The following CELA2A variants were observed in gnomAD, a reference collection of about 807,000 sequenced individuals.
CELA2A encodes the protein chymotrypsin-like elastase family member 2A.
CELA2A carries 31 observed loss-of-function variants against 35.3 expected under a neutral mutation model. That is an observed-to-expected ratio of 0.88 (90% CI 0.66 to 1.19). The LOEUF (loss-of-function observed/expected upper bound fraction) is 1.19, where lower values mean the gene tolerates loss of function less well. Among genes scored for constraint, CELA2A ranks in the 50% most tolerant of loss-of-function variants. CELA2A has a pLI of 0.00. For missense variants in CELA2A, 330 were observed against 352.9 expected (o/e 0.94, Z 0.52); for synonymous variants, 150 against 149.8 (o/e 1.00, Z -0.01).
At chr1:15,456,968 C>A in intron 1 of CELA2A, 118 bp from the exon 2 acceptor site, 1 of 1,262,842 alleles carries the variant, frequency 7.9e-7, no homozygotes, top group Non-Finnish European at 1.1e-6. Flanking sequence ...ATTCTATGAC[C>A]TCTTGGGATC....
At position 15,462,795 on chromosome 1, in the gene CELA2A, C is replaced by T. The variant is rs146502483; in HGVS notation, c.290C>T (p.Ser97Leu). ...AACCTCTACGTTGCGGAGTCCGGCT[C>T]GCTGGCAGTCAGTGTCTCTAAGATT... ...RHNLYVAESGSLAVSVSKIVV... is the reference protein window; with the variant it reads ...RHNLYVAESGLLAVSVSKIVV... Residue 97 changes from serine to leucine, a missense_variant, in exon 4 of 8, where the codon TCG becomes TTG. Transcript: ENST00000359621. The T allele has an allele frequency of 7.1e-5, 114 of 1,614,090 alleles. No individual in the cohort carries two copies. The East Asian group carries it at 1.7e-3, about 25-fold the overall frequency.
intron 2 of CELA2A, among the ~76,000 whole-genome samples, chr1:15,460,779 C>G (rs929950571): frequency 3.3e-5 from 5 of 151,964 alleles, no homozygotes; most frequent in African/African-American, 1.2e-4. Flanking sequence ...TCAAGCAATA[C>G]TCCCACCTCA....
intron 6 of CELA2A, among the ~76,000 whole-genome samples, 157 bp from the exon 7 acceptor site, chr1:15,467,229 T>C (rs1708530368): frequency 1.3e-5 from 2 of 152,192 alleles, no homozygotes; most frequent in Non-Finnish European, 2.9e-5. Flanking sequence ...TGTTGGCTCT[T>C]GTTGGAATTA....
At chr1:15,460,101 G>A (rs1708413803) in intron 2 of CELA2A, among the ~76,000 whole-genome samples, 1 of 152,164 alleles carries the variant, frequency 6.6e-6, no homozygotes, top group African/African-American at 2.4e-5. Flanking sequence ...CCTGCACAGT[G>A]GCTTATGTTC....
At chr1:15,462,975 G>C (rs571952876) in intron 4 of CELA2A, 114 bp downstream of exon 4, 2 of 1,464,860 alleles carry the variant, frequency 1.4e-6, no homozygotes, top group African/African-American at 1.4e-5. Context: ...CTACAGGGAG[G>C]GGGAAGGAGC....
At position 15,467,466 on chromosome 1, in the gene CELA2A, C is replaced by T. The variant is rs1708535078; in HGVS notation, c.720C>T (p.Arg240=). 1 of 1,614,178 alleles carries T rather than the reference C, an allele frequency of 6.2e-7. No homozygotes were observed. Among genetic ancestry groups the T allele is most frequent in the Non-Finnish European group, 8.5e-7 (1 of 1,180,046 alleles). The change falls in exon 7 of 8, where the codon CGC becomes CGT. Residue 240 remains arginine, a synonymous_variant. Coordinates refer to ENST00000359621, the MANE Select transcript of CELA2A (RefSeq NM_033440.3). ...QVHGIVSFGS[R]LGCNYYHKPS... Reference sequence around the variant, plus strand: ...ACGGCATCGTCAGCTTCGGGTCTCGCCTCGGCTGCAACTACTACCACAAGC... The same window carrying T: ...ACGGCATCGTCAGCTTCGGGTCTCGTCTCGGCTGCAACTACTACCACAAGC...
chr1:15,465,774 T>A (rs1168907599), intron 5 of CELA2A: 1 of 556,290 alleles, frequency 1.8e-6, no homozygotes, highest in East Asian at 2.8e-5. Flanking sequence ...CGGAATCTCA[T>A]AGACCCCATC....
chr1:15,457,295 C>T, intron 2 of CELA2A, 121 bp downstream of exon 2: 2 of 903,960 alleles, frequency 2.2e-6, no homozygotes, highest in Non-Finnish European at 3.5e-6. Flanking sequence ...ACTCAGAGAG[C>T]AGCACAGGCA....
At chr1:15,471,411 G>C (rs1244582041) in intron 7 of CELA2A, among the ~76,000 whole-genome samples, 1 of 152,118 alleles carries the variant, frequency 6.6e-6, no homozygotes, top group Non-Finnish European at 1.5e-5. Context: ...AGCCAGGCAT[G>C]GTGGTGCATG....
chr1:15,469,253 T>G (rs1227760755), intron 7 of CELA2A, among the ~76,000 whole-genome samples: 1 of 152,098 alleles, frequency 6.6e-6, no homozygotes, highest in African/African-American at 2.4e-5. Context: ...TCGTACTGGA[T>G]GCTAGAAGGA....
chr1:15,462,948 C>A, intron 4 of CELA2A, 87 bp downstream of exon 4: 1 of 1,564,448 alleles, frequency 6.4e-7, no homozygotes, highest in Non-Finnish European at 8.8e-7. Flanking sequence ...AACCACACCA[C>A]ACCCCCTCTG....
At chr1:15,462,937 C>A (rs1337002672) in intron 4 of CELA2A, 76 bp downstream of exon 4, 9 of 1,590,936 alleles carry the variant, frequency 5.7e-6, no homozygotes, top group Admixed American at 1.7e-5. Context: ...GCAAGGGTCT[C>A]AACCACACCA....
In CELA2A at chr1:15,466,138, C is replaced by G. The variant is rs1322356021; in HGVS notation, c.633C>G (p.Ser211Arg). 7 of 1,613,794 alleles carry G rather than the reference C, an allele frequency of 4.3e-6. No homozygotes were observed. The highest frequency in any genetic ancestry group is 5.9e-6 in the Non-Finnish European group (7 of 1,179,800). ...ICAGGDGVISSCNGDSGGPLN... is the reference protein window; with the variant it reads ...ICAGGDGVISRCNGDSGGPLN... ...CTGGGGGTGATGGCGTGATCTCCAGCTGCAACGTGAGTACCAAAATCAGGG... is the reference window on the plus strand; with the variant it reads ...CTGGGGGTGATGGCGTGATCTCCAGGTGCAACGTGAGTACCAAAATCAGGG... The change falls in exon 6 of 8, where the codon AGC (serine) becomes AGG (arginine). Residue 211 changes from serine to arginine, a missense_variant. Physicochemically the swap from Ser to Arg is moderately radical, Grantham distance 110. Transcript: ENST00000359621.
chr1:15,464,920 GA>G (rs1194586892), intron 5 of CELA2A, among the ~76,000 whole-genome samples: 1 of 150,626 alleles, frequency 6.6e-6, no homozygotes, highest in African/African-American at 2.4e-5. Context: ...GGTGAAAGGT[GA>G]AAATGCATCA....
At chr1:15,468,620 A>G (rs372949083) in intron 7 of CELA2A, among the ~76,000 whole-genome samples, 1 of 152,130 alleles carries the variant, frequency 6.6e-6, no homozygotes, top group Non-Finnish European at 1.5e-5. Context: ...CATCCTGGGC[A>G]ACATAGCAAG....
intron 7 of CELA2A, among the ~76,000 whole-genome samples, chr1:15,467,812 G>A (rs1708541536): frequency 6.6e-6 from 1 of 152,156 alleles, no homozygotes; most frequent in Non-Finnish European, 1.5e-5. Context: ...AGTTCCGCTG[G>A]GCGCCGTGGC....
Position 15,463,402 on chromosome 1 carries a change from C to T in CELA2A, c.373C>T (p.Leu125Phe), listed in dbSNP as rs1708466828. 1.9e-6 allele frequency: 3 copies of T among 1,613,836 alleles called. No homozygotes were observed. The highest frequency in any genetic ancestry group is 1.1e-5 in the South Asian group (1 of 91,072). The stretch of plus-strand genomic sequence containing the variant: ...CTCACCCAGGAACGACATTGCCCTG[C>T]TCAAACTGGCTAACCCCGTCTCCCT... Reference protein sequence around the residue: ...QISKGNDIALLKLANPVSLTD... With the variant: ...QISKGNDIALFKLANPVSLTD... The change falls in exon 5 of 8, where the codon CTC becomes TTC. Residue 125 changes from leucine (L) to phenylalanine (F), a missense_variant. By Grantham distance (22) the Leu-to-Phe change is conservative. Coordinates refer to ENST00000359621, the MANE Select transcript of CELA2A (RefSeq NM_033440.3).
intron 3 of CELA2A, chr1:15,462,003 T>C: frequency 3.9e-6 from 2 of 515,760 alleles, no homozygotes; most frequent in South Asian, 1.6e-5. Context: ...TACCATCACC[T>C]GCAGAAAAAT....
chr1:15,461,415 G>A (rs1204258776), intron 2 of CELA2A, 146 bp from the exon 3 acceptor site: 24 of 744,286 alleles, frequency 3.2e-5, no homozygotes, highest in Non-Finnish European at 4.9e-5. Flanking sequence ...GATGGCTGAG[G>A]TTTTGGGTGC....
Sources: allele counts gnomAD v4.1 joint callset (sites outside exome capture counted in the v4.1 genomes callset), GRCh38; gene constraint gnomAD v4.1.1; transcripts MANE v1.5; gene names NCBI Gene and HGNC (gene_info 2026-07-23, HGNC 2026-07-21).